The following NTNG1 variants were observed in gnomAD, a reference collection of about 807,000 sequenced individuals.
NTNG1 encodes the protein netrin G1.
Under a neutral mutation model 54.0 loss-of-function variants are expected in NTNG1, and 16 were observed. That is an observed-to-expected ratio of 0.30 (90% CI 0.20 to 0.45). The LOEUF is 0.45. Among genes scored for constraint, NTNG1 ranks in the 20% least tolerant of loss-of-function variants. NTNG1 has a pLI of 1.00. For missense variants in NTNG1, 530 were observed against 678.7 expected, an observed-to-expected ratio of 0.78 and a Z score of 2.43; for synonymous variants, 255 against 263.1, an observed-to-expected ratio of 0.97 and a Z score of 0.30.
intron 3 of NTNG1, among the ~76,000 whole-genome samples, chr1:107,383,716 T>G (rs1295743781): frequency 6.6e-6 from 1 of 152,228 alleles, no homozygotes; most frequent in East Asian, 1.9e-4. Context: ...GGACTTGAAC[T>G]CAGCCCCTTT....
intron 7 of NTNG1, chr1:107,460,462 A>G: frequency 1.9e-6 from 1 of 516,764 alleles, no homozygotes; most frequent in South Asian, 1.4e-5. Flanking sequence ...AAAGAAATCC[A>G]ATAGTTTTCT....
chr1:107,155,699 T>C (rs1654939754), intron 2 of NTNG1, among the ~76,000 whole-genome samples: 1 of 152,190 alleles, frequency 6.6e-6, no homozygotes, highest in Admixed American at 6.6e-5. Context: ...ATATATTATA[T>C]TGTTTTTTAT....
At chr1:107,360,265 G>C (rs1177743654) in intron 3 of NTNG1, among the ~76,000 whole-genome samples, 1 of 152,112 alleles carries the variant, frequency 6.6e-6, no homozygotes, top group African/African-American at 2.4e-5. Flanking sequence ...AATGAATCAG[G>C]GTAAGGGAAA....
intron 2 of NTNG1, among the ~76,000 whole-genome samples, chr1:107,246,483 T>C (rs982377689): frequency 7.9e-5 from 12 of 151,804 alleles, no homozygotes; most frequent in Non-Finnish European, 1.6e-4. Context: ...CTATTATAAA[T>C]ATATTAATCC....
Position 107,396,326 on chromosome 1 carries a change from C to G in NTNG1, c.1060+1000C>G, listed in dbSNP as rs1002437205. 2.6e-5 allele frequency among the ~76,000 whole-genome samples: 4 copies of G among 152,010 alleles called. 1 individual carries two copies. The highest frequency in any genetic ancestry group is 9.7e-5 in the African/African-American group (4 of 41,392). The stretch of plus-strand genomic sequence containing the variant: ...AACCTAAGAACTAGTATCATAGGAA[C>G]CAGGACTTTATCAAGTTAAACGTAA... On this transcript the variant is annotated intron_variant, in intron 4 of 7. Coordinates refer to ENST00000370068, the MANE Select transcript of NTNG1 (RefSeq NM_001113226.3).
chr1:107,222,798 G>GC (rs1660430468), intron 2 of NTNG1, among the ~76,000 whole-genome samples: 1 of 133,784 alleles, frequency 7.5e-6, no homozygotes, highest in Admixed American at 7.3e-5. Flanking sequence ...GACCAGTGCT[G>GC]CTTTTTTTTT....
chr1:107,183,866 C>G lies in NTNG1; in HGVS notation c.246+35027C>G, dbSNP rs147259309. ...CTTAGCAAATGGGATCACCTTTCAA[C>G]CAGTTGCCTAAGCCAAAAACTAGTA... On this transcript the variant is annotated intron_variant, in intron 2 of 7. Transcript: ENST00000370068. Among the ~76,000 whole-genome samples, 1,470 of 152,232 alleles carry G rather than the reference C, an allele frequency of 9.7e-3. 27 individuals are homozygous for G. The highest frequency in any genetic ancestry group is 0.034 in the African/African-American group (1,405 of 41,544).
chr1:107,147,414 A>G (rs1439928084), intron 1 of NTNG1, among the ~76,000 whole-genome samples: 1 of 152,158 alleles, frequency 6.6e-6, no homozygotes, highest in African/African-American at 2.4e-5. Flanking sequence ...ATGTAAAAAT[A>G]TAGAAAATTC....
intron 5 of NTNG1, among the ~76,000 whole-genome samples, chr1:107,411,139 A>G (rs1257484795): frequency 6.6e-6 from 1 of 152,180 alleles, no homozygotes; most frequent in East Asian, 1.9e-4. Flanking sequence ...GCATGATGTT[A>G]TATGAAGCAT....
intron 2 of NTNG1, among the ~76,000 whole-genome samples, chr1:107,217,088 G>A (rs1241998605): frequency 6.6e-6 from 1 of 151,914 alleles, no homozygotes; most frequent in African/African-American, 2.4e-5. Context: ...GACTTTTTTT[G>A]TTGGTAACTT....
intron 5 of NTNG1, among the ~76,000 whole-genome samples, chr1:107,422,835 C>T: frequency 6.6e-6 from 1 of 152,030 alleles, no homozygotes; most frequent in East Asian, 1.9e-4. Context: ...CTAATTGTGC[C>T]ACATTCATTG....
intron 2 of NTNG1, among the ~76,000 whole-genome samples, chr1:107,281,273 G>A (rs1476091045): frequency 6.6e-6 from 1 of 152,102 alleles, no homozygotes; most frequent in East Asian, 1.9e-4. Context: ...CCAGTAGAGT[G>A]AGGACATGAA....
At chr1:107,321,737 C>G (rs1667671920) in intron 2 of NTNG1, among the ~76,000 whole-genome samples, 1 of 152,110 alleles carries the variant, frequency 6.6e-6, no homozygotes. Flanking sequence ...CTCTCCAAGA[C>G]AAGAAGATTA....
Position 107,141,149 on chromosome 1 carries a change from G to A in NTNG1, c.-526+9G>A, listed in dbSNP as rs1653635302. 6.6e-6 allele frequency: 1 copy of A among 152,478 alleles called. No homozygotes were observed. Among genetic ancestry groups the A allele is most frequent in the Non-Finnish European group, 1.5e-5 (1 of 68,014 alleles). 9.4% of individuals were successfully genotyped at this position (152,478 alleles called of 1,614,324 possible). On this transcript the variant is annotated intron_variant, in intron 1 of 7. Transcript: ENST00000370068. The stretch of plus-strand genomic sequence containing the variant: ...CGGGGGCGGAGGCGAAGGTAATTAA[G>A]CGGCGGGGAGTGGCGGGCCGGCGCT...
At chr1:107,190,015 A>G (rs968133351) in intron 2 of NTNG1, among the ~76,000 whole-genome samples, 11 of 152,156 alleles carry the variant, frequency 7.2e-5, no homozygotes, top group Admixed American at 3.9e-4. Flanking sequence ...ACATGCTACA[A>G]TATGGATGAA....
At chr1:107,407,141 C>G (rs950109543) in intron 4 of NTNG1, among the ~76,000 whole-genome samples, 1 of 151,968 alleles carries the variant, frequency 6.6e-6, no homozygotes, top group Admixed American at 6.6e-5. Flanking sequence ...ACACATCTGA[C>G]AAGTAAAAGA....
At chr1:107,382,471 AT>A (rs373296630) in intron 3 of NTNG1, among the ~76,000 whole-genome samples, 39 of 152,288 alleles carry the variant, frequency 2.6e-4, no homozygotes, top group African/African-American at 9.1e-4. Context: ...TGCAGACTCC[AT>A]TTTGGAATAT....
In NTNG1 at chr1:107,324,588, G is replaced by T; in HGVS notation, c.553G>T (p.Ala185Ser). 1 of 1,613,644 alleles carries T rather than the reference G, an allele frequency of 6.2e-7. No homozygotes were observed. The highest frequency in any genetic ancestry group is 8.5e-7 in the Non-Finnish European group (1 of 1,179,810). The change falls in exon 3 of 8, where the codon GCT (alanine) becomes TCT (serine). Residue 185 changes from alanine (A) to serine (S), a missense_variant. Ala to Ser is a moderately conservative substitution (Grantham distance 99). Transcript: ENST00000370068. ...GTATTATGCCACAGACTGCTTAGAT[G>T]CTTTTCACATGGATCCTAAATCCGT... Reference protein sequence around the residue: ...YQYYATDCLDAFHMDPKSVKD... With the variant: ...YQYYATDCLDSFHMDPKSVKD...
chr1:107,234,356 C>G (rs998457933), intron 2 of NTNG1, among the ~76,000 whole-genome samples: 4 of 152,144 alleles, frequency 2.6e-5, no homozygotes, highest in Non-Finnish European at 5.9e-5. Flanking sequence ...CTCCTGACCT[C>G]AAGTAATCTG....
Sources: gnomAD v4.1 joint callset for allele counts (sites outside exome capture counted in the v4.1 genomes callset) on GRCh38, gnomAD v4.1.1 for gene constraint, MANE v1.5 for transcripts, NCBI Gene and HGNC (gene_info 2026-07-23, HGNC 2026-07-21) for gene names.